Variants in SMIM40 observed in about 807,000 individuals in gnomAD.
SMIM40 encodes the protein small integral membrane protein 40.
At chr6:33,325,813 G>C (rs1771137446) in intron 1 of SMIM40, among the ~76,000 whole-genome samples, 1 of 145,988 alleles carries the variant, frequency 6.8e-6, no homozygotes, top group African/African-American at 2.7e-5. Context: ...AGCCGAGATC[G>C]CGCCACTGCC....
At chr6:33,324,354 C>G (rs949338980) in intron 1 of SMIM40, among the ~76,000 whole-genome samples, 1 of 149,886 alleles carries the variant, frequency 6.7e-6, no homozygotes, top group Non-Finnish European at 1.5e-5. Flanking sequence ...GGTTCTCATT[C>G]TTCACTTCTC....
In SMIM40 at chr6:33,323,815, T is replaced by C. The variant is rs1299520591; in HGVS notation, c.*149A>G. 1 of 152,272 alleles carries C rather than the reference T, an allele frequency of 6.6e-6. No individual in the cohort carries two copies. The highest frequency in any genetic ancestry group is 1.5e-5 in the Non-Finnish European group (1 of 68,128). 9.4% of individuals were successfully genotyped at this position (152,272 alleles called of 1,614,324 possible). On this transcript the variant is annotated 3_prime_UTR_variant, in exon 3 of 3. Coordinates refer to ENST00000494082, the MANE Select transcript of SMIM40 (RefSeq NM_001369203.1). ...CCTAGGGTCTGCGGATGGGCGATGA[T>C]GGGGTGGGGCTTGGAGGAGAGTTTG...
intron 1 of SMIM40, among the ~76,000 whole-genome samples, chr6:33,325,393 G>C (rs1242000020): frequency 1.4e-5 from 2 of 143,840 alleles, no homozygotes; most frequent in East Asian, 4.0e-4. Context: ...GTTTTTTATA[G>C]CGACAGGGTC....
chr6:33,327,568 T>A (rs1210910909), intron 1 of SMIM40, among the ~76,000 whole-genome samples: 5 of 150,244 alleles, frequency 3.3e-5, no homozygotes, highest in Non-Finnish European at 7.4e-5. Context: ...TCTCAATAAA[T>A]CAATAAATAG....
chr6:33,324,403 A>G (rs1770999446), intron 1 of SMIM40, among the ~76,000 whole-genome samples: 1 of 151,756 alleles, frequency 6.6e-6, no homozygotes. Context: ...AAAAAAAAAA[A>G]AAGAATAGTT....
Position 33,325,649 on chromosome 6 carries a change from G to A in SMIM40, c.*40-1619C>T, listed in dbSNP as rs1428542717. Among the ~76,000 whole-genome samples the A allele has an allele frequency of 4.1e-5, 6 of 145,574 alleles. 1 individual carries two copies. Among genetic ancestry groups the A allele is most frequent in the African/African-American group, 1.6e-4 (6 of 36,688 alleles). On this transcript the variant is annotated intron_variant, in intron 1 of 2. Transcript: ENST00000494082. The stretch of plus-strand genomic sequence containing the variant: ...GAGGGCAGGAAATCGAGACCACCCT[G>A]GCTAACACGGTGAAACCCTGTCTCT...
chr6:33,326,210 G>C (rs1275647700), intron 1 of SMIM40, among the ~76,000 whole-genome samples: 2 of 147,808 alleles, frequency 1.4e-5, no homozygotes, highest in African/African-American at 2.6e-5. Context: ...GCCCAGGCTG[G>C]AGTTCAATGG....
intron 1 of SMIM40, among the ~76,000 whole-genome samples, chr6:33,326,345 A>AT (rs9282495): frequency 0.57 from 78,484 of 138,224 alleles, 22,869 homozygotes; most frequent in African/African-American, 0.68. Flanking sequence ...TATTTTTTGT[A>AT]TTTTTTTTTT....
intron 1 of SMIM40, among the ~76,000 whole-genome samples, chr6:33,324,907 A>C (rs1562740704): frequency 1.4e-5 from 2 of 145,806 alleles, no homozygotes; most frequent in African/African-American, 5.2e-5. Flanking sequence ...AAAAAAAAAA[A>C]AAAAAGGAAA....
At chr6:33,324,405 A>G (rs147421321) in intron 1 of SMIM40, among the ~76,000 whole-genome samples, 3 of 146,450 alleles carry the variant, frequency 2.0e-5, no homozygotes, top group African/African-American at 7.7e-5. Flanking sequence ...AAAAAAAAAA[A>G]GAATAGTTCT....
At chr6:33,328,399 A>G (rs1258209173) in intron 1 of SMIM40, among the ~76,000 whole-genome samples, 2 of 151,644 alleles carry the variant, frequency 1.3e-5, no homozygotes, top group African/African-American at 4.8e-5. Context: ...CATATTTGCC[A>G]GACTGGTCTT....
At chr6:33,324,563 T>TTTTA (rs1734980105) in intron 1 of SMIM40, among the ~76,000 whole-genome samples, 1 of 148,064 alleles carries the variant, frequency 6.8e-6, no homozygotes, top group African/African-American at 2.5e-5. Context: ...TTTTTTTTTT[T>TTTTA]TTCCTTTCTT....
At chr6:33,326,803 G>A (rs868615645) in intron 1 of SMIM40, among the ~76,000 whole-genome samples, 9 of 145,868 alleles carry the variant, frequency 6.2e-5, no homozygotes, top group South Asian at 2.1e-4. Flanking sequence ...CAGCCTGGGC[G>A]ATAGAGCAAG....
At chr6:33,328,766 A>T (rs1306880525) in intron 1 of SMIM40, among the ~76,000 whole-genome samples, 1 of 151,680 alleles carries the variant, frequency 6.6e-6, no homozygotes, top group Non-Finnish European at 1.5e-5. Flanking sequence ...CATGCCTGTA[A>T]TCCCAGCTAC....
intron 1 of SMIM40, among the ~76,000 whole-genome samples, chr6:33,325,069 A>G (rs944018737): frequency 6.6e-6 from 1 of 151,538 alleles, no homozygotes; most frequent in African/African-American, 2.4e-5. Context: ...TTTTTTTAAA[A>G]AAAGTTTTTT....
chr6:33,327,521 G>T (rs868287305), intron 1 of SMIM40, among the ~76,000 whole-genome samples: 2 of 149,226 alleles, frequency 1.3e-5, no homozygotes, highest in East Asian at 1.9e-4. Context: ...TTGATCTCAG[G>T]ATTACAGACC....
chr6:33,324,545 C>CTTTTTTTTTTTTTTTTTTTTCTTTT (rs1771016693), intron 1 of SMIM40, among the ~76,000 whole-genome samples: 84 of 103,174 alleles, frequency 8.1e-4, no homozygotes, highest in East Asian at 1.4e-3. Context: ...ACCACCTTTT[C>CTTTTTTTTTTTTTTTTTTTTCTTTT]TTTTTTTTTT....
intron 1 of SMIM40, among the ~76,000 whole-genome samples, chr6:33,327,273 T>C (rs1300050408): frequency 6.7e-6 from 1 of 148,632 alleles, no homozygotes; most frequent in Non-Finnish European, 1.5e-5. Context: ...AATACAAAAA[T>C]TAGCTGGGCG....
intron 1 of SMIM40, among the ~76,000 whole-genome samples, chr6:33,324,681 G>A (rs1352192641): frequency 6.8e-6 from 1 of 146,944 alleles, no homozygotes; most frequent in African/African-American, 2.5e-5. Context: ...TCAAGAGATC[G>A]AGACCATCCT....
Sources: gnomAD v4.1 joint callset for allele counts (sites outside exome capture counted in the v4.1 genomes callset) on GRCh38, gnomAD v4.1.1 for gene constraint, MANE v1.5 for transcripts, NCBI Gene and HGNC (gene_info 2026-07-23, HGNC 2026-07-21) for gene names.